LRIG1: variants seen among roughly 807,000 people sequenced by gnomAD.
LRIG1 encodes leucine-rich repeats and immunoglobulin-like domains protein 1.
LRIG1 carries 48 observed loss-of-function variants against 99.2 expected under a neutral mutation model. The observed-to-expected ratio is 0.48, with a 90% CI of 0.38 to 0.62. The LOEUF (loss-of-function observed/expected upper bound fraction) is 0.62, where lower values mean the gene tolerates loss of function less well. Ranked by LOEUF, LRIG1 falls within the 20% of genes least tolerant of loss-of-function variation. LRIG1 has a pLI of 0.00. For synonymous variants in LRIG1, 772 were observed against 596.1 expected, an observed-to-expected ratio of 1.29 and a Z score of -4.30; for missense variants, 1,646 against 1,434.4, an observed-to-expected ratio of 1.15 and a Z score of -2.38.
At chr3:66,439,186 C>G (rs939730787) in intron 3 of LRIG1, among the ~76,000 whole-genome samples, 1 of 152,210 alleles carries the variant, frequency 6.6e-6, no homozygotes, top group African/African-American at 2.4e-5. Context: ...GGAAGAACTG[C>G]GCCAAGGCCT....
At chr3:66,406,906 C>G (rs958913854) in intron 8 of LRIG1, among the ~76,000 whole-genome samples, 2 of 152,198 alleles carry the variant, frequency 1.3e-5, no homozygotes, top group Non-Finnish European at 2.9e-5. Context: ...ACGAGAGATG[C>G]ACTGCAGTAT....
At chr3:66,480,184 C>T (rs1401677509) in intron 1 of LRIG1, among the ~76,000 whole-genome samples, 1 of 152,100 alleles carries the variant, frequency 6.6e-6, no homozygotes, top group Non-Finnish European at 1.5e-5. Context: ...CATGACAACA[C>T]TGTGCTAAGT....
rs755008219 is a variant in LRIG1 at position 66,384,164 on chromosome 3, T to C, written c.1898A>G (p.Gln633Arg). 6 of 1,614,078 alleles carry C rather than the reference T, an allele frequency of 3.7e-6. No individual in the cohort carries two copies. The Admixed American group carries it at 5.0e-5, about 13-fold the overall frequency. The change falls in exon 14 of 19, where the codon CAG becomes CGG. Residue 633 changes from glutamine to arginine, a missense_variant. Gln to Arg is a conservative substitution (Grantham distance 43). Transcript: ENST00000273261. ...TGHPNPQIAW[Q>R]KDGGTDFPAA... ...GGGGAAATCCGTGCCTCCATCCTTC[T>C]GCCAGGCAATCTGAGGGTTTGGGTG...
At chr3:66,454,533 T>C (rs1217462999) in intron 2 of LRIG1, among the ~76,000 whole-genome samples, 2 of 152,134 alleles carry the variant, frequency 1.3e-5, no homozygotes, top group Non-Finnish European at 2.9e-5. Context: ...CCGACGCCCA[T>C]CTCTCCCCAC....
chr3:66,434,413 C>G (rs1303271369), intron 3 of LRIG1, among the ~76,000 whole-genome samples: 1 of 152,158 alleles, frequency 6.6e-6, no homozygotes, highest in East Asian at 1.9e-4. Context: ...CCATAATGAG[C>G]TATCACTGCA....
chr3:66,388,906 C>A (rs1007583065), intron 12 of LRIG1, among the ~76,000 whole-genome samples: 2 of 152,076 alleles, frequency 1.3e-5, no homozygotes, highest in Non-Finnish European at 2.9e-5. Context: ...ATAGCAACTC[C>A]AATCCACACC....
chr3:66,384,279 AAC>A lies in LRIG1; in HGVS notation c.1790-9_1790-8del. Reference sequence around the variant, plus strand: ...TTGGTGAATGATGGCAACACTGGAAAACATACGTATACAGGGTCGGGTTACGG... The same window carrying A: ...TTGGTGAATGATGGCAACACTGGAAAATACGTATACAGGGTCGGGTTACGG... On this transcript the variant is annotated splice_region_variant and splice_polypyrimidine_tract_variant and intron_variant, in intron 13 of 18. Coordinates refer to ENST00000273261, the MANE Select transcript of LRIG1 (RefSeq NM_015541.3). 1 of 1,609,472 alleles carries A rather than the reference AAC, an allele frequency of 6.2e-7. No individual in the cohort carries two copies. The highest frequency in any genetic ancestry group is 8.5e-7 in the Non-Finnish European group (1 of 1,176,352).
At chr3:66,383,638 A>T (rs937524875) in intron 14 of LRIG1, among the ~76,000 whole-genome samples, 4 of 151,674 alleles carry the variant, frequency 2.6e-5, no homozygotes, top group African/African-American at 4.9e-5. Flanking sequence ...CTATTCCCTA[A>T]CTGTCCTGTG....
intron 3 of LRIG1, among the ~76,000 whole-genome samples, chr3:66,448,862 T>C (rs867430715): frequency 2.0e-5 from 3 of 152,360 alleles, no homozygotes; most frequent in South Asian, 2.1e-4. Flanking sequence ...TCAGACGATG[T>C]GTTGAGGCTT....
chr3:66,426,761 C>T (rs1406239213), intron 3 of LRIG1, among the ~76,000 whole-genome samples: 14 of 152,144 alleles, frequency 9.2e-5, no homozygotes, highest in African/African-American at 3.4e-4. Context: ...CACTGTATAT[C>T]CTATATCCTT....
chr3:66,430,250 A>T (rs1181885513), intron 3 of LRIG1, among the ~76,000 whole-genome samples: 1 of 152,236 alleles, frequency 6.6e-6, no homozygotes, highest in Non-Finnish European at 1.5e-5. Flanking sequence ...AAAGAAAAAA[A>T]TTTAAGACAC....
At chr3:66,435,178 C>A (rs573349363) in intron 3 of LRIG1, among the ~76,000 whole-genome samples, 3 of 152,248 alleles carry the variant, frequency 2.0e-5, no homozygotes, top group African/African-American at 7.2e-5. Flanking sequence ...TGAAAAAAGC[C>A]AATCCCAAAA....
At chr3:66,464,000 C>T (rs1157290691) in intron 1 of LRIG1, among the ~76,000 whole-genome samples, 1 of 152,238 alleles carries the variant, frequency 6.6e-6, no homozygotes, top group Admixed American at 6.5e-5. Flanking sequence ...GCATATTGAA[C>T]TCAAGTGTGA....
At chr3:66,415,646 T>C (rs1001512643) in intron 4 of LRIG1, among the ~76,000 whole-genome samples, 1 of 152,190 alleles carries the variant, frequency 6.6e-6, no homozygotes, top group Admixed American at 6.5e-5. Flanking sequence ...ACAAGCAATA[T>C]GTCATGGTAC....
intron 3 of LRIG1, among the ~76,000 whole-genome samples, chr3:66,423,527 C>G (rs775732623): frequency 6.6e-6 from 1 of 152,162 alleles, no homozygotes; most frequent in Non-Finnish European, 1.5e-5. Flanking sequence ...GCCAAGATCA[C>G]GCCACCGCAC....
intron 1 of LRIG1, among the ~76,000 whole-genome samples, chr3:66,492,336 T>C (rs2248587): frequency 0.82 from 125,210 of 152,178 alleles, 55,260 homozygotes; most frequent in Non-Finnish European, 0.99. Context: ...AAATTATAAA[T>C]TGGTGGAAGG....
intron 9 of LRIG1, chr3:66,404,152 G>A (rs1168530087): frequency 3.5e-6 from 3 of 850,776 alleles, no homozygotes; most frequent in African/African-American, 1.8e-5. Flanking sequence ...TCCTAAGCAG[G>A]ACCCTTGTAT....
chr3:66,478,091 AG>A (rs1340757090), intron 1 of LRIG1, among the ~76,000 whole-genome samples: 9 of 152,200 alleles, frequency 5.9e-5, no homozygotes, highest in Non-Finnish European at 1.3e-4. Context: ...GCACATCTCA[AG>A]GAAAATCCTA....
chr3:66,410,350 C>A, intron 6 of LRIG1, 78 bp from the exon 7 acceptor site: 2 of 1,381,730 alleles, frequency 1.4e-6, no homozygotes, highest in Non-Finnish European at 2.0e-6. Context: ...AGCAGCCACG[C>A]TGTACCTGAC....
Sources: gnomAD v4.1 joint callset for allele counts (sites outside exome capture counted in the v4.1 genomes callset) on GRCh38, gnomAD v4.1.1 for gene constraint, MANE v1.5 for transcripts, NCBI Gene and HGNC (gene_info 2026-07-23, HGNC 2026-07-21) for gene names.